The following DHRSX variants were observed in gnomAD, a reference collection of about 807,000 sequenced individuals.
DHRSX encodes dehydrogenase/reductase X-linked, also known as polyprenol dehydrogenase.
In DHRSX, 31 loss-of-function variants were observed where a neutral mutation model predicts 34.0. The observed-to-expected ratio is 0.91, with a 90% CI of 0.69 to 1.23. The LOEUF (loss-of-function observed/expected upper bound fraction) is 1.23, where lower values mean the gene tolerates loss of function less well. Among genes scored for constraint, DHRSX ranks in the 50% most tolerant of loss-of-function variants. DHRSX has a pLI of 0.00. For synonymous variants in DHRSX, 201 were observed against 183.8 expected (o/e 1.09, Z -0.76); for missense variants, 414 against 428.1 (o/e 0.97, Z 0.29).
At chrX:2,253,115 G>A (rs973796613) in intron 5 of DHRSX, among the ~76,000 whole-genome samples, 8 of 152,264 alleles carry the variant, frequency 5.3e-5, no homozygotes, top group Admixed American at 3.9e-4. Context: ...TTGAGCCTGG[G>A]AGGCGCACAT....
chrX:2,284,609 G>A (rs2041782696), intron 4 of DHRSX, among the ~76,000 whole-genome samples: 1 of 152,180 alleles, frequency 6.6e-6, no homozygotes, highest in African/African-American at 2.4e-5. Context: ...GTTATGGGAA[G>A]ATGGCTGACA....
In DHRSX at chrX:2,341,208, C is replaced by T. The variant is rs994152684; in HGVS notation, c.287-49605G>A. Among the ~76,000 whole-genome samples the T allele has an allele frequency of 3.3e-5, 5 of 152,156 alleles. No homozygotes were observed. The South Asian group carries it at 1.0e-3, about 32-fold the overall frequency. On this transcript the variant is annotated intron_variant, in intron 3 of 6. Transcript: ENST00000334651. ...CACCACAGGCATCAAGCTGAATCAC[C>T]GCACACGCTTGCATTCCAGACTCAT...
intron 3 of DHRSX, among the ~76,000 whole-genome samples, chrX:2,346,091 A>C (rs1335194834): frequency 2.0e-5 from 3 of 152,170 alleles, no homozygotes; most frequent in Admixed American, 2.0e-4. Context: ...TTCATCCAGG[A>C]AAGCTCTTTG....
At chrX:2,435,897 CTA>C (rs1480201772) in intron 1 of DHRSX, among the ~76,000 whole-genome samples, 1 of 152,180 alleles carries the variant, frequency 6.6e-6, no homozygotes, top group African/African-American at 2.4e-5. Flanking sequence ...TTGAAAATAT[CTA>C]TATGTTTCAT....
chrX:2,446,958 TA>T (rs1238291632), intron 1 of DHRSX, among the ~76,000 whole-genome samples: 1 of 151,524 alleles, frequency 6.6e-6, no homozygotes. Context: ...ATGTACGCAC[TA>T]AAGACATTCC....
At chrX:2,268,974 T>G (rs1344747615) in intron 4 of DHRSX, among the ~76,000 whole-genome samples, 1 of 152,272 alleles carries the variant, frequency 6.6e-6, no homozygotes, top group Non-Finnish European at 1.5e-5. Context: ...CCTATCCATT[T>G]GCATATGGAC....
At chrX:2,240,950 C>T (rs758315752) in intron 6 of DHRSX, among the ~76,000 whole-genome samples, 67 of 152,082 alleles carry the variant, frequency 4.4e-4, no homozygotes, top group Non-Finnish European at 7.1e-4. Flanking sequence ...GAGACCGAGG[C>T]GGGCAGATTA....
In DHRSX at chrX:2,432,174, A is replaced by C. The variant is rs569835667; in HGVS notation, c.110-6870T>G. ...ACGCCAGTGCACTCCAGCCAGGGCG[A>C]CAGAGCCAGACTCCGTCTCAAAAAA... On this transcript the variant is annotated intron_variant, in intron 1 of 6. Transcript: ENST00000334651. Among the ~76,000 whole-genome samples the C allele has an allele frequency of 2.3e-3, 347 of 152,222 alleles. 4 individuals carry two copies. Among genetic ancestry groups the C allele is most frequent in the South Asian group, 0.011 (51 of 4,820 alleles).
At chrX:2,236,723 C>T (rs1368382766) in intron 6 of DHRSX, among the ~76,000 whole-genome samples, 5 of 152,088 alleles carry the variant, frequency 3.3e-5, no homozygotes, top group African/African-American at 7.2e-5. Flanking sequence ...TGAGCCACTG[C>T]GCCCGGCCAC....
At chrX:2,265,825 T>C (rs1338815887) in intron 5 of DHRSX, among the ~76,000 whole-genome samples, 1,231 of 45,496 alleles carry the variant, frequency 0.027, no homozygotes, top group Middle Eastern at 0.056. Context: ...AGCACTGTCC[T>C]CAGAGCACCA....
intron 3 of DHRSX, among the ~76,000 whole-genome samples, chrX:2,293,661 G>A (rs897519011): frequency 6.6e-6 from 1 of 152,172 alleles, no homozygotes; most frequent in South Asian, 2.1e-4. Flanking sequence ...GGCTGGCCGA[G>A]AAGAGAACAG....
intron 3 of DHRSX, among the ~76,000 whole-genome samples, chrX:2,371,363 A>ATAGTCCCTCCTTCCG (rs2043061577): frequency 2.8e-5 from 3 of 106,626 alleles, no homozygotes; most frequent in Admixed American, 1.8e-4. Flanking sequence ...CCCTCCTCCC[A>ATAGTCCCTCCTTCCG]TTACTATAGA....
chrX:2,485,888 GA>G (rs1569506252), intron 1 of DHRSX, among the ~76,000 whole-genome samples: 3 of 148,122 alleles, frequency 2.0e-5, no homozygotes, highest in African/African-American at 7.6e-5. Flanking sequence ...AGGGAGAGAA[GA>G]AGAGACAAGG....
At chrX:2,297,877 T>C (rs2041953636) in intron 3 of DHRSX, among the ~76,000 whole-genome samples, 1 of 151,870 alleles carries the variant, frequency 6.6e-6, no homozygotes, top group Non-Finnish European at 1.5e-5. Context: ...TTCCTCAGTC[T>C]CCCAAGTAGC....
At chrX:2,299,152 A>G (rs1457293687) in intron 3 of DHRSX, among the ~76,000 whole-genome samples, 1 of 152,216 alleles carries the variant, frequency 6.6e-6, no homozygotes, top group Non-Finnish European at 1.5e-5. Context: ...AATGCTAAGC[A>G]ATTCGGTCAA....
intron 1 of DHRSX, chrX:2,500,557 G>C (rs977786109): frequency 1.2e-5 from 2 of 173,476 alleles, no homozygotes; most frequent in Admixed American, 6.3e-5. Context: ...CACACGCGCG[G>C]GGAGGGAAGG....
At chrX:2,268,698 A>C (rs937253395) in intron 4 of DHRSX, among the ~76,000 whole-genome samples, 9 of 152,248 alleles carry the variant, frequency 5.9e-5, no homozygotes, top group African/African-American at 1.9e-4. Flanking sequence ...ATGTCCATAC[A>C]CATTTACATC....
intron 3 of DHRSX, among the ~76,000 whole-genome samples, chrX:2,377,644 T>C (rs1050197483): frequency 6.6e-6 from 1 of 152,006 alleles, no homozygotes; most frequent in African/African-American, 2.4e-5. Flanking sequence ...CCAGAAGAGA[T>C]AGCGGAGGAT....
chrX:2,407,214 C>T (rs367808640), intron 3 of DHRSX, among the ~76,000 whole-genome samples: 43 of 152,242 alleles, frequency 2.8e-4, no homozygotes, highest in African/African-American at 7.2e-4. Context: ...TTGCTGGGTC[C>T]GACTCGCAGA....
Sources: gnomAD v4.1 joint callset for allele counts (sites outside exome capture counted in the v4.1 genomes callset) on GRCh38, gnomAD v4.1.1 for gene constraint, MANE v1.5 for transcripts, NCBI Gene and HGNC (gene_info 2026-07-23, HGNC 2026-07-21) for gene names.